NR3C2: variants seen among roughly 807,000 people sequenced by gnomAD.
NR3C2 encodes the protein mineralocorticoid receptor.
Under a neutral mutation model 86.4 loss-of-function variants are expected in NR3C2, and 15 were observed. That is an observed-to-expected ratio of 0.17 (90% CI 0.12 to 0.27). The LOEUF (loss-of-function observed/expected upper bound fraction) is 0.27, where lower values mean the gene tolerates loss of function less well. Ranked by LOEUF, NR3C2 falls within the 10% of genes least tolerant of loss-of-function variation. The probability of loss-of-function intolerance (pLI) is 1.00; values close to 1 mark genes in which losing one functional copy is unlikely to be tolerated. For synonymous variants in NR3C2, 458 were observed against 450.5 expected (o/e 1.02, Z -0.21); for missense variants, 960 against 1,195.6 (o/e 0.80, Z 2.91).
At chr4:148,390,298 T>C (rs927208889) in intron 2 of NR3C2, among the ~76,000 whole-genome samples, 1 of 151,992 alleles carries the variant, frequency 6.6e-6, no homozygotes, top group Non-Finnish European at 1.5e-5. Flanking sequence ...ATCTGAGAGA[T>C]GAATGCATGA....
At chr4:148,299,646 C>T (rs543066349) in intron 2 of NR3C2, among the ~76,000 whole-genome samples, 25 of 152,326 alleles carry the variant, frequency 1.6e-4, no homozygotes, top group South Asian at 4.1e-4. Flanking sequence ...CCATCCAAGC[C>T]CCAGGGAAGA....
rs762581611 is a variant in NR3C2 at position 148,435,174 on chromosome 4, G to A, written c.1687C>T (p.His563Tyr). ...VNTLVESWKS[H>Y]GDLSSRRSDG... ...CTTCTTCTAGACGACAGGTCGCCGT[G>A]TGATTTCCATGACTCCACTAAAGTA... The change falls in exon 2 of 9, where the codon CAC (histidine) becomes TAC (tyrosine). Residue 563 changes from histidine to tyrosine, a missense_variant. Physicochemically the swap from His to Tyr is moderately conservative, Grantham distance 83. Around this residue, in one of 4 missense-constraint regions of NR3C2, gnomAD observed 680 missense variants for 719.0 expected, o/e 0.95. Coordinates refer to ENST00000358102, the MANE Select transcript of NR3C2 (RefSeq NM_000901.5). The A allele has an allele frequency of 1.2e-6, 2 of 1,614,118 alleles. No homozygotes were observed. The highest frequency in any genetic ancestry group is 1.7e-6 in the Non-Finnish European group (2 of 1,179,980).
chr4:148,359,898 G>A (rs888355622), intron 2 of NR3C2, among the ~76,000 whole-genome samples: 3 of 152,176 alleles, frequency 2.0e-5, no homozygotes, highest in Non-Finnish European at 4.4e-5. Flanking sequence ...AGAGGCTGGA[G>A]CCAGGTGAGC....
At chr4:148,123,581 G>A (rs979018287) in intron 6 of NR3C2, among the ~76,000 whole-genome samples, 5 of 152,170 alleles carry the variant, frequency 3.3e-5, no homozygotes, top group African/African-American at 7.2e-5. Context: ...TGATCCTACC[G>A]ATATGTGATG....
At chr4:148,161,044 C>T (rs1055658739) in intron 4 of NR3C2, among the ~76,000 whole-genome samples, 13 of 152,016 alleles carry the variant, frequency 8.6e-5, no homozygotes, top group Admixed American at 7.9e-4. Context: ...GGAAAAAGAT[C>T]ATCTAAATCA....
chr4:148,375,212 T>A (rs995982252), intron 2 of NR3C2, among the ~76,000 whole-genome samples: 15 of 152,128 alleles, frequency 9.9e-5, no homozygotes, highest in African/African-American at 3.6e-4. Flanking sequence ...CCTCACCACT[T>A]TGGGAGGCCG....
chr4:148,151,741 G>A (rs1483618208), intron 6 of NR3C2, among the ~76,000 whole-genome samples: 2 of 152,116 alleles, frequency 1.3e-5, no homozygotes, highest in African/African-American at 4.8e-5. Flanking sequence ...TCAGAATATG[G>A]CTGTAGTTAC....
In NR3C2 at chr4:148,435,883, T is replaced by C. The variant is rs143126546; in HGVS notation, c.978A>G (p.Ala326=). ...TNNRSTLSSP[A]ASTVGSICSP... Reference sequence around the variant, plus strand: ...TACAGATAGATCCCACAGTACTGGCTGCCGGACTGGAAAGCGTGGATCTGT... The same window carrying C: ...TACAGATAGATCCCACAGTACTGGCCGCCGGACTGGAAAGCGTGGATCTGT... The change falls in exon 2 of 9, where the codon GCA becomes GCG. Residue 326 remains alanine, a synonymous_variant. Transcript: ENST00000358102. 1.0e-4 allele frequency: 166 copies of C among 1,614,092 alleles called. No homozygotes were observed. The highest frequency in any genetic ancestry group is 1.4e-4 in the Non-Finnish European group (162 of 1,180,036).
intron 6 of NR3C2, among the ~76,000 whole-genome samples, chr4:148,147,223 A>G (rs1290037238): frequency 6.6e-6 from 1 of 152,204 alleles, no homozygotes; most frequent in Non-Finnish European, 1.5e-5. Flanking sequence ...CCTTTCCTCC[A>G]TCTCCAGTGA....
At chr4:148,344,887 A>G (rs1037815387) in intron 2 of NR3C2, among the ~76,000 whole-genome samples, 1 of 152,180 alleles carries the variant, frequency 6.6e-6, no homozygotes, top group Non-Finnish European at 1.5e-5. Context: ...AAGGCCATAT[A>G]GAATTAGCAA....
At chr4:148,091,983 G>C (rs1039934081) in intron 8 of NR3C2, among the ~76,000 whole-genome samples, 14 of 152,076 alleles carry the variant, frequency 9.2e-5, no homozygotes, top group Non-Finnish European at 1.6e-4. Flanking sequence ...GTTTTGGAAT[G>C]GGGGGAAAAG....
chr4:148,217,368 ATC>A (rs1737595324), intron 3 of NR3C2, among the ~76,000 whole-genome samples: 1 of 152,070 alleles, frequency 6.6e-6, no homozygotes, highest in East Asian at 1.9e-4. Context: ...CACAGGAAAA[ATC>A]TCTCATTTCC....
chr4:148,378,929 A>T (rs1746815471), intron 2 of NR3C2, among the ~76,000 whole-genome samples: 1 of 152,224 alleles, frequency 6.6e-6, no homozygotes, highest in African/African-American at 2.4e-5. Context: ...CGAAAGAAAC[A>T]AAATTGTGTT....
chr4:148,112,806 G>A, intron 8 of NR3C2, among the ~76,000 whole-genome samples: 1 of 151,942 alleles, frequency 6.6e-6, no homozygotes, highest in Admixed American at 6.6e-5. Flanking sequence ...ACATTCCGCT[G>A]GCATAATGGA....
At chr4:148,126,449 TA>T (rs1324958735) in intron 6 of NR3C2, among the ~76,000 whole-genome samples, 1 of 152,190 alleles carries the variant, frequency 6.6e-6, no homozygotes, top group East Asian at 1.9e-4. Flanking sequence ...TATTTTAAAT[TA>T]TTTCTATATA....
intron 8 of NR3C2, among the ~76,000 whole-genome samples, chr4:148,106,159 G>A (rs1731786869): frequency 6.6e-6 from 1 of 152,176 alleles, no homozygotes; most frequent in Admixed American, 6.5e-5. Context: ...AGCAACTTCA[G>A]CAAAGTCTCA....
chr4:148,389,300 C>T (rs756126822), intron 2 of NR3C2, among the ~76,000 whole-genome samples: 1 of 152,128 alleles, frequency 6.6e-6, no homozygotes, highest in Non-Finnish European at 1.5e-5. Context: ...GAGAACTTGG[C>T]CTACCTGTGT....
intron 2 of NR3C2, among the ~76,000 whole-genome samples, chr4:148,431,059 C>T (rs900987353): frequency 2.0e-5 from 3 of 152,160 alleles, no homozygotes; most frequent in African/African-American, 2.4e-5. Context: ...CTATGACTAT[C>T]GCCATAAACA....
At chr4:148,285,047 C>CCA (rs1295979300) in intron 2 of NR3C2, among the ~76,000 whole-genome samples, 3 of 152,180 alleles carry the variant, frequency 2.0e-5, no homozygotes, top group African/African-American at 7.2e-5. Context: ...CTCTGGACTA[C>CCA]AGCAACATAT....
Sources: gnomAD v4.1 joint callset for allele counts (sites outside exome capture counted in the v4.1 genomes callset) on GRCh38, gnomAD v4.1.1 for gene constraint, gnomAD v4.1.1 regional missense constraint, MANE v1.5 for transcripts, NCBI Gene and HGNC (gene_info 2026-07-23, HGNC 2026-07-21) for gene names.